Variants in DSCAM observed in about 807,000 individuals in gnomAD.
The protein encoded by DSCAM is DS cell adhesion molecule.
In DSCAM, 47 loss-of-function variants were observed where a neutral mutation model predicts 217.7. The observed-to-expected ratio is 0.22, with a 90% CI of 0.17 to 0.28. The LOEUF (loss-of-function observed/expected upper bound fraction) is 0.28. Among genes scored for constraint, DSCAM ranks in the 10% least tolerant of loss-of-function variants. The pLI, the probability that DSCAM is intolerant of heterozygous loss-of-function variation, is 1.00. For missense variants in DSCAM, 2,080 were observed against 2,618.3 expected (o/e 0.79, Z 4.49); for synonymous variants, 1,056 against 1,015.3 (o/e 1.04, Z -0.76).
intron 1 of DSCAM, among the ~76,000 whole-genome samples, chr21:40,822,170 T>C (rs2091933533): frequency 6.6e-6 from 1 of 151,382 alleles, no homozygotes; most frequent in African/African-American, 2.4e-5. Flanking sequence ...AGTACAAAAA[T>C]TAGCTGGGCA....
chr21:40,465,868 A>G (rs1345442867), intron 3 of DSCAM, among the ~76,000 whole-genome samples: 1 of 147,484 alleles, frequency 6.8e-6, no homozygotes, highest in Non-Finnish European at 1.5e-5. Flanking sequence ...GTTTGATTAT[A>G]AACACGTTTG....
intron 3 of DSCAM, among the ~76,000 whole-genome samples, chr21:40,679,389 C>T (rs2090375326): frequency 6.6e-6 from 1 of 152,154 alleles, no homozygotes; most frequent in Admixed American, 6.5e-5. Context: ...TAAGAAAAGG[C>T]AAAATCTCTA....
At chr21:40,392,451 G>A (rs1337344335) in intron 3 of DSCAM, among the ~76,000 whole-genome samples, 1 of 152,100 alleles carries the variant, frequency 6.6e-6, no homozygotes, top group Non-Finnish European at 1.5e-5. Flanking sequence ...ATTAGAAAAT[G>A]GTACTCCTGT....
At chr21:40,104,373 T>C (rs557396544) in intron 20 of DSCAM, among the ~76,000 whole-genome samples, 4 of 152,204 alleles carry the variant, frequency 2.6e-5, no homozygotes, top group Non-Finnish European at 5.9e-5. Context: ...CTAGTGTTAA[T>C]TGAAAAATGA....
chr21:40,460,195 G>T (rs562485321), intron 3 of DSCAM, among the ~76,000 whole-genome samples: 4 of 152,082 alleles, frequency 2.6e-5, no homozygotes. Context: ...CCTAGGTAAT[G>T]GGTTGATAGG....
At chr21:40,055,606 G>A (rs942673679) in intron 29 of DSCAM, 119 bp downstream of exon 29, 34 of 692,398 alleles carry the variant, frequency 4.9e-5, no homozygotes, top group Non-Finnish European at 7.7e-5. Context: ...TCTAGCTTTG[G>A]TACTCACGTA....
At position 40,338,016 on chromosome 21, in the gene DSCAM, T is replaced by G. The variant is rs1300053120; in HGVS notation, c.1783+85A>C. ...TATCCTGCTCTAAATAAGCAGATCTTGGATTACCCGACTTCAAATCATTGG... is the reference window on the plus strand; with the variant it reads ...TATCCTGCTCTAAATAAGCAGATCTGGGATTACCCGACTTCAAATCATTGG... On this transcript the variant is annotated intron_variant, in intron 8 of 32. Coordinates refer to ENST00000400454, the MANE Select transcript of DSCAM (RefSeq NM_001389.5). 12 of 1,530,338 alleles carry G rather than the reference T, an allele frequency of 7.8e-6. No individual in the cohort carries two copies. The East Asian group carries it at 2.3e-4, about 29-fold the overall frequency. The allele number at this position is 1,530,338 out of a possible 1,614,324, so 94.8% of individuals were successfully genotyped here.
rs577115776 is a variant in DSCAM, at chr21:40,655,390, A to C, written c.508+37420T>G. 6.6e-5 allele frequency among the ~76,000 whole-genome samples: 10 copies of C among 150,930 alleles called. No individual in the cohort carries two copies. In the South Asian group the frequency reaches 2.1e-3, roughly 32 times the overall value. Reference sequence around the variant, plus strand: ...TTCTAAAATGTCACCCTATAGCTGCACCTTTACATGGGAGAAGGGCAAAAG... The same window carrying C: ...TTCTAAAATGTCACCCTATAGCTGCCCCTTTACATGGGAGAAGGGCAAAAG... On this transcript the variant is annotated intron_variant, in intron 3 of 32. Transcript: ENST00000400454.
At chr21:40,651,257 A>G (rs773566470) in intron 3 of DSCAM, among the ~76,000 whole-genome samples, 31 of 152,188 alleles carry the variant, frequency 2.0e-4, no homozygotes, top group Admixed American at 2.0e-4. Flanking sequence ...TTGAATCACA[A>G]TGTTTAACAC....
At chr21:40,646,839 G>A (rs2089953153) in intron 3 of DSCAM, among the ~76,000 whole-genome samples, 1 of 152,162 alleles carries the variant, frequency 6.6e-6, no homozygotes, top group South Asian at 2.1e-4. Context: ...CATCACAGCT[G>A]AGAGCCTCCA....
At chr21:40,695,022 C>T (rs1381891795) in intron 2 of DSCAM, among the ~76,000 whole-genome samples, 1 of 152,120 alleles carries the variant, frequency 6.6e-6, no homozygotes, top group Non-Finnish European at 1.5e-5. Context: ...TGCCCCTAAG[C>T]AGGGGAATGA....
chr21:40,274,047 G>A (rs2073655096), intron 11 of DSCAM, among the ~76,000 whole-genome samples: 1 of 152,120 alleles, frequency 6.6e-6, no homozygotes, highest in South Asian at 2.1e-4. Context: ...CATGAACCCT[G>A]GTGTTCTGGG....
At chr21:40,416,234 C>T (rs1391385367) in intron 3 of DSCAM, among the ~76,000 whole-genome samples, 1 of 152,134 alleles carries the variant, frequency 6.6e-6, no homozygotes, top group Non-Finnish European at 1.5e-5. Flanking sequence ...ATTTTTCTGA[C>T]AGCCCATCCT....
At chr21:40,478,482 C>CAT (rs2075955816) in intron 3 of DSCAM, among the ~76,000 whole-genome samples, 1 of 152,080 alleles carries the variant, frequency 6.6e-6, no homozygotes, top group Non-Finnish European at 1.5e-5. Flanking sequence ...TTCTATGCAC[C>CAT]AAATAAAATA....
At position 40,026,097 on chromosome 21, in the gene DSCAM, A is replaced by ACAT. The variant is rs537684778; in HGVS notation, c.5687-12714_5687-12712dup. ...TCTTTGTTCTCGTTGGTTTCAAAGA[A>ACAT]CATCTTTATTTCTGGTTTCATTTCG... On this transcript the variant is annotated intron_variant, in intron 32 of 32. Transcript: ENST00000400454. Among the ~76,000 whole-genome samples, 34 of 142,094 alleles carry ACAT rather than the reference A, an allele frequency of 2.4e-4. 3 individuals are homozygous for ACAT. The highest frequency in any genetic ancestry group is 7.5e-4 in the African/African-American group (30 of 39,876). 93.2% of individuals were successfully genotyped at this position (142,094 alleles called of 152,430 possible). A position where few individuals can be genotyped will look rare whatever the true frequency, so the allele number is the denominator to read the frequency against.
intron 14 of DSCAM, among the ~76,000 whole-genome samples, chr21:40,180,189 A>T (rs950415077): frequency 5.0e-4 from 76 of 152,234 alleles, no homozygotes; most frequent in African/African-American, 1.8e-3. Flanking sequence ...CCACAAATAC[A>T]TGGACCTCTG....
chr21:40,169,951 T>C (rs2146779755), intron 15 of DSCAM, among the ~76,000 whole-genome samples: 1 of 152,294 alleles, frequency 6.6e-6, no homozygotes, highest in African/African-American at 2.4e-5. Context: ...AGTTTCTATT[T>C]AGTTCCTAAA....
intron 27 of DSCAM, among the ~76,000 whole-genome samples, chr21:40,065,941 G>A (rs73906396): frequency 0.011 from 1,726 of 152,258 alleles, 35 homozygotes; most frequent in African/African-American, 0.039. Flanking sequence ...CTCCGCTGCC[G>A]CTCACTTGTA....
At chr21:40,189,328 G>A in intron 11 of DSCAM, 90 bp from the exon 12 acceptor site, 8 of 1,031,022 alleles carry the variant, frequency 7.8e-6, no homozygotes, top group Non-Finnish European at 8.0e-6. Flanking sequence ...TGCTTCAAGA[G>A]ATATTTCTTC....
Sources: allele counts gnomAD v4.1 joint callset (sites outside exome capture counted in the v4.1 genomes callset), GRCh38; gene constraint gnomAD v4.1.1; transcripts MANE v1.5; gene names NCBI Gene and HGNC (gene_info 2026-07-23, HGNC 2026-07-21).